The following RUNX2 variants were observed in gnomAD, a reference collection of about 807,000 sequenced individuals.
RUNX2 encodes runt-related transcription factor 2.
In RUNX2, 10 loss-of-function variants were observed where a neutral mutation model predicts 51.7. The observed-to-expected ratio is 0.19, with a 90% CI of 0.12 to 0.33. The LOEUF is 0.33. Among genes scored for constraint, RUNX2 ranks in the 10% least tolerant of loss-of-function variants. The probability of loss-of-function intolerance (pLI) is 1.00; values close to 1 mark genes in which losing one functional copy is unlikely to be tolerated. For synonymous variants in RUNX2, 276 were observed against 273.6 expected (o/e 1.01, Z -0.09); for missense variants, 562 against 691.3 (o/e 0.81, Z 2.10).
intron 5 of RUNX2, among the ~76,000 whole-genome samples, chr6:45,484,877 G>T (rs946658936): frequency 2.0e-5 from 3 of 152,210 alleles, no homozygotes; most frequent in Non-Finnish European, 4.4e-5. Context: ...CTGTGGAATA[G>T]CAGCTCTGTG....
chr6:45,406,790 C>T (rs897132602), intron 2 of RUNX2, among the ~76,000 whole-genome samples: 15 of 152,030 alleles, frequency 9.9e-5, no homozygotes, highest in South Asian at 2.1e-4. Flanking sequence ...TCCCAATCCC[C>T]GAAAATACTA....
At chr6:45,506,001 G>T (rs1389013793) in intron 6 of RUNX2, among the ~76,000 whole-genome samples, 1 of 152,132 alleles carries the variant, frequency 6.6e-6, no homozygotes, top group Non-Finnish European at 1.5e-5. Flanking sequence ...ACCTTAGACA[G>T]AAAAAGAGAA....
At position 45,366,629 on chromosome 6, in the gene RUNX2, A is replaced by T. The variant is rs190256889; in HGVS notation, c.58+37845A>T. ...TTTTTTCACAATCAGGCAAGTTTTT[A>T]AAACTTAAACATTTTTACTAAAAGA... On this transcript the variant is annotated intron_variant, in intron 2 of 8. Transcript: ENST00000647337. Among the ~76,000 whole-genome samples the T allele has an allele frequency of 6.4e-4, 98 of 152,318 alleles. 1 individual carries two copies. The highest frequency in any genetic ancestry group is 6.3e-3 in the Admixed American group (97 of 15,296).
At chr6:45,333,030 T>C (rs1581656442) in intron 2 of RUNX2, among the ~76,000 whole-genome samples, 1 of 151,724 alleles carries the variant, frequency 6.6e-6, no homozygotes, top group African/African-American at 2.4e-5. Context: ...ACTCCAATAC[T>C]TGGTATTTTC....
chr6:45,422,471 T>A (rs1798226801), intron 2 of RUNX2, 122 bp from the exon 3 acceptor site: 1 of 789,922 alleles, frequency 1.3e-6, no homozygotes, highest in Non-Finnish European at 2.0e-6. Flanking sequence ...ATCACCTCCA[T>A]CCTCTTTCCC....
intron 2 of RUNX2, among the ~76,000 whole-genome samples, chr6:45,405,541 C>T (rs1563071712): frequency 1.3e-5 from 2 of 152,216 alleles, no homozygotes; most frequent in Non-Finnish European, 2.9e-5. Context: ...GTAATCCCAG[C>T]ACTTTGGGAG....
intron 7 of RUNX2, among the ~76,000 whole-genome samples, chr6:45,536,328 A>G (rs182963841): frequency 6.6e-6 from 1 of 152,234 alleles, no homozygotes; most frequent in Admixed American, 6.5e-5. Context: ...CACAGGATAC[A>G]GTTTGAGGCT....
chr6:45,484,507 A>G (rs943895543), intron 5 of RUNX2, among the ~76,000 whole-genome samples: 2 of 152,206 alleles, frequency 1.3e-5, no homozygotes, highest in Non-Finnish European at 2.9e-5. Flanking sequence ...TTTTCTCCGT[A>G]GTATCTTCAT....
chr6:45,474,883 T>C (rs1317472959), intron 5 of RUNX2, among the ~76,000 whole-genome samples: 1 of 152,148 alleles, frequency 6.6e-6, no homozygotes, highest in Non-Finnish European at 1.5e-5. Context: ...GTACCTACCA[T>C]AGGCACTTTA....
chr6:45,334,449 C>CAAAAAAAAAA (rs551014969), intron 2 of RUNX2, among the ~76,000 whole-genome samples: 14 of 91,726 alleles, frequency 1.5e-4, no homozygotes, highest in Admixed American at 2.3e-4. Context: ...TCAGGAAAAG[C>CAAAAAAAAAA]AAAAAAAAAA....
At chr6:45,427,958 G>T (rs1317621099) in intron 3 of RUNX2, among the ~76,000 whole-genome samples, 3 of 152,092 alleles carry the variant, frequency 2.0e-5, no homozygotes, top group Non-Finnish European at 2.9e-5. Context: ...CTAAATAAAG[G>T]AACGTCTTTC....
intron 7 of RUNX2, among the ~76,000 whole-genome samples, chr6:45,542,259 G>T (rs1001920877): frequency 2.0e-5 from 3 of 152,016 alleles, no homozygotes; most frequent in Non-Finnish European, 4.4e-5. Context: ...TTGGGAGGAG[G>T]GGCAAGATGT....
intron 7 of RUNX2, among the ~76,000 whole-genome samples, chr6:45,519,788 A>G (rs898365991): frequency 7.5e-4 from 89 of 118,892 alleles, no homozygotes; most frequent in African/African-American, 1.6e-3. Flanking sequence ...ATATATATAT[A>G]TATGTGTGTG....
chr6:45,330,794 C>T (rs58769170), intron 2 of RUNX2, among the ~76,000 whole-genome samples: 34,441 of 151,608 alleles, frequency 0.23, 4,590 homozygotes, highest in Non-Finnish European at 0.31. Flanking sequence ...CCGCCAGCCC[C>T]CAAACAGTAT....
At chr6:45,541,817 T>C (rs939801453) in intron 7 of RUNX2, among the ~76,000 whole-genome samples, 1 of 152,224 alleles carries the variant, frequency 6.6e-6, no homozygotes, top group African/African-American at 2.4e-5. Context: ...ACAGCCCCAA[T>C]GGCAAGTACC....
intron 2 of RUNX2, among the ~76,000 whole-genome samples, chr6:45,370,423 G>A (rs549134489): frequency 6.6e-6 from 1 of 152,188 alleles, no homozygotes; most frequent in Admixed American, 6.5e-5. Flanking sequence ...CCTATGTTAA[G>A]TTTGAGACAA....
At chr6:45,347,407 T>C (rs569429945) in intron 2 of RUNX2, among the ~76,000 whole-genome samples, 6 of 152,302 alleles carry the variant, frequency 3.9e-5, no homozygotes, top group African/African-American at 1.4e-4. Flanking sequence ...TGGTGGTAGA[T>C]GTACACAAAA....
chr6:45,444,812 G>T (rs1170453806), intron 5 of RUNX2, among the ~76,000 whole-genome samples: 1 of 152,070 alleles, frequency 6.6e-6, no homozygotes, highest in African/African-American at 2.4e-5. Context: ...TTTCTCTTAC[G>T]CTGTTCCACC....
At chr6:45,468,877 A>G (rs1468056488) in intron 5 of RUNX2, among the ~76,000 whole-genome samples, 1 of 151,908 alleles carries the variant, frequency 6.6e-6, no homozygotes, top group African/African-American at 2.4e-5. Context: ...TATTTCCCAA[A>G]CTCCCAAGGA....
Sources: gnomAD v4.1 joint callset for allele counts (sites outside exome capture counted in the v4.1 genomes callset) on GRCh38, gnomAD v4.1.1 for gene constraint, MANE v1.5 for transcripts, NCBI Gene and HGNC (gene_info 2026-07-23, HGNC 2026-07-21) for gene names.